The following DSG1 variants were observed in gnomAD, a reference collection of about 807,000 sequenced individuals.
The protein encoded by DSG1 is desmoglein 1, also known as desmoglein-1.
Under a neutral mutation model 97.5 loss-of-function variants are expected in DSG1, and 39 were observed. The observed-to-expected ratio is 0.40, with a 90% confidence interval of 0.31 to 0.52. DSG1 has a LOEUF of 0.52. Ranked by LOEUF, DSG1 falls within the 20% of genes least tolerant of loss-of-function variation. DSG1 has a pLI of 0.53. For synonymous variants in DSG1, 475 were observed against 443.4 expected (o/e 1.07, Z -0.90); for missense variants, 1,311 against 1,295.4 (o/e 1.01, Z -0.18).
chr18:31,335,058 G>A (rs995695295), intron 8 of DSG1, among the ~76,000 whole-genome samples: 3 of 152,090 alleles, frequency 2.0e-5, no homozygotes, highest in South Asian at 2.1e-4. Flanking sequence ...ACTCTCAAAC[G>A]ACTCTGTCCC....
intron 7 of DSG1, 54 bp from the exon 8 acceptor site, chr18:31,333,963 T>C (rs2071736157): frequency 1.4e-5 from 18 of 1,283,190 alleles, no homozygotes; most frequent in Middle Eastern, 2.0e-4. Flanking sequence ...AAGCCTACTG[T>C]AGTTCTCTCT....
In DSG1 at chr18:31,328,360, G is replaced by A. The variant is rs775296123; in HGVS notation, c.372+16G>A. On this transcript the variant is annotated intron_variant, in intron 4 of 14. Coordinates refer to ENST00000257192, the MANE Select transcript of DSG1 (RefSeq NM_001942.4). ...TTTCTTCATTGTAAGTGGACTTCAT[G>A]TCAATATATATGTTCATGCTTAAAT... The A allele has an allele frequency of 2.3e-5, 37 of 1,607,246 alleles. No homozygotes were observed. The highest frequency in any genetic ancestry group is 3.1e-5 in the Non-Finnish European group (36 of 1,174,392).
At chr18:31,322,934 G>A (rs2144082992) in intron 1 of DSG1, among the ~76,000 whole-genome samples, 2 of 152,280 alleles carry the variant, frequency 1.3e-5, no homozygotes, top group Admixed American at 1.3e-4. Context: ...ATTAAAATTA[G>A]CCTGTGATTT....
In DSG1 at chr18:31,355,402, A is replaced by G. The variant is rs1189144211; in HGVS notation, c.*56A>G. ...TTGTGGTTTAGATCCAATTCCCACCACTAAAAAACCAACAATGTGATTTAT... is the reference window on the plus strand; with the variant it reads ...TTGTGGTTTAGATCCAATTCCCACCGCTAAAAAACCAACAATGTGATTTAT... On this transcript the variant is annotated 3_prime_UTR_variant, in exon 15 of 15. Coordinates refer to ENST00000257192, the MANE Select transcript of DSG1 (RefSeq NM_001942.4). 6.5e-7 allele frequency: 1 copy of G among 1,539,176 alleles called. No individual in the cohort carries two copies. The highest frequency in any genetic ancestry group is 2.3e-5 in the East Asian group (1 of 44,320).
At chr18:31,334,254 GTTAAAC>G (rs753970080) in intron 8 of DSG1, 52 bp downstream of exon 8, 33 of 1,291,388 alleles carry the variant, frequency 2.6e-5, no homozygotes, top group Non-Finnish European at 3.3e-5. Context: ...TTTTCAAAAT[GTTAAAC>G]TTAAAATAAA....
chr18:31,333,913 A>T (rs1017221849), intron 7 of DSG1, 104 bp from the exon 8 acceptor site: 2 of 1,131,868 alleles, frequency 1.8e-6, no homozygotes, highest in Non-Finnish European at 2.6e-6. Context: ...AAAACCACAG[A>T]TATCTTTTCT....
intron 14 of DSG1, among the ~76,000 whole-genome samples, chr18:31,346,787 A>G (rs939790897): frequency 1.3e-5 from 2 of 152,226 alleles, no homozygotes; most frequent in East Asian, 1.9e-4. Flanking sequence ...CTGTCCGTTT[A>G]TATGTCTACC....
chr18:31,321,883 T>C (rs1229865494), intron 1 of DSG1, among the ~76,000 whole-genome samples: 1 of 152,200 alleles, frequency 6.6e-6, no homozygotes, highest in African/African-American at 2.4e-5. Flanking sequence ...TAATAGACAT[T>C]GCCTAACATA....
intron 12 of DSG1, 42 bp downstream of exon 12, chr18:31,343,625 A>T: frequency 6.2e-7 from 1 of 1,614,062 alleles, no homozygotes; most frequent in Non-Finnish European, 8.5e-7. Flanking sequence ...GTAGTCACTG[A>T]AATTCAGTCT....
Position 31,354,779 on chromosome 18 carries a change from C to T in DSG1, c.2583C>T (p.Asn861=), listed in dbSNP as rs775067162. ...VHVHDNRPAS[N]VVVTERVVGP... is the part of the protein sequence containing the mutation. ...TTCACGATAACCGACCAGCATCAAA[C>T]GTGGTAGTGACAGAGAGAGTGGTCG... The change falls in exon 15 of 15, where the codon AAC becomes AAT. Residue 861 remains asparagine (N), a synonymous_variant. Coordinates refer to ENST00000257192, the MANE Select transcript of DSG1 (RefSeq NM_001942.4). The T allele has an allele frequency of 2.4e-5, 39 of 1,614,008 alleles. No homozygotes were observed. The highest frequency in any genetic ancestry group is 5.3e-5 in the African/African-American group (4 of 74,900).
chr18:31,336,130 A>C (rs2071750364), intron 8 of DSG1, among the ~76,000 whole-genome samples: 1 of 152,110 alleles, frequency 6.6e-6, no homozygotes, highest in African/African-American at 2.4e-5. Flanking sequence ...TATGTTTTCA[A>C]CTTTTTAACA....
intron 1 of DSG1, among the ~76,000 whole-genome samples, chr18:31,323,484 T>G (rs1293889247): frequency 1.3e-5 from 2 of 152,212 alleles, no homozygotes; most frequent in African/African-American, 4.8e-5. Context: ...TCCTTGCCTT[T>G]GTCTTTGAGG....
At chr18:31,345,024 C>T (rs1360088232) in intron 13 of DSG1, among the ~76,000 whole-genome samples, 1 of 152,180 alleles carries the variant, frequency 6.6e-6, no homozygotes, top group Non-Finnish European at 1.5e-5. Flanking sequence ...TGTCTTCTCA[C>T]CTCAAAAGCA....
At chr18:31,338,192 C>A (rs1182460132) in intron 9 of DSG1, 123 bp from the exon 10 acceptor site, 2 of 1,021,806 alleles carry the variant, frequency 2.0e-6, no homozygotes, top group Admixed American at 2.2e-5. Flanking sequence ...AATAAAGTCT[C>A]TAGTAATTGA....
At chr18:31,343,377 T>TA (rs1305395341) in intron 11 of DSG1, 73 bp from the exon 12 acceptor site, 4 of 1,595,866 alleles carry the variant, frequency 2.5e-6, no homozygotes, top group East Asian at 2.2e-5. Flanking sequence ...AATTTAACCA[T>TA]AAAAAATCAG....
At chr18:31,334,291 A>G (rs900434634) in intron 8 of DSG1, 89 bp downstream of exon 8, 1 of 960,858 alleles carries the variant, frequency 1.0e-6, no homozygotes. Context: ...CATTTCACAA[A>G]CTTGGCTTAG....
chr18:31,326,218 A>G (rs2071684948), intron 1 of DSG1, among the ~76,000 whole-genome samples: 1 of 152,046 alleles, frequency 6.6e-6, no homozygotes, highest in African/African-American at 2.4e-5. Context: ...TTTTTAAATT[A>G]CTACTGTTAG....
At position 31,357,695 on chromosome 18, in the gene DSG1, A is replaced by G. The variant is rs1002469182; in HGVS notation, c.*2349A>G. On this transcript the variant is annotated 3_prime_UTR_variant, in exon 15 of 15. Coordinates refer to ENST00000257192, the MANE Select transcript of DSG1 (RefSeq NM_001942.4). The stretch of plus-strand genomic sequence containing the variant: ...AACACTGTTAAACGATGGGAAAAAC[A>G]AGAAAAAACATGGCCATTTGAGTCA... Among the ~76,000 whole-genome samples, 2 of 152,020 alleles carry G rather than the reference A, an allele frequency of 1.3e-5. No homozygotes were observed. The highest frequency in any genetic ancestry group is 4.8e-5 in the African/African-American group (2 of 41,456).
intron 1 of DSG1, among the ~76,000 whole-genome samples, chr18:31,321,156 T>C (rs186557779): frequency 8.0e-4 from 122 of 152,230 alleles, no homozygotes; most frequent in African/African-American, 2.7e-3. Flanking sequence ...CTCCACAGTT[T>C]GAACCGAACT....
Sources: allele counts gnomAD v4.1 joint callset (sites outside exome capture counted in the v4.1 genomes callset), GRCh38; gene constraint gnomAD v4.1.1; transcripts MANE v1.5; gene names NCBI Gene and HGNC (gene_info 2026-07-23, HGNC 2026-07-21).